CYB561: variants seen among roughly 807,000 people sequenced by gnomAD.
CYB561 encodes cytochrome b561, also known as transmembrane ascorbate-dependent reductase CYB561.
Under a neutral mutation model 25.3 loss-of-function variants are expected in CYB561, and 11 were observed. The observed-to-expected ratio is 0.44, with a 90% CI of 0.27 to 0.72. CYB561 has a LOEUF of 0.72. Ranked by LOEUF, CYB561 falls within the 30% of genes least tolerant of loss-of-function variation. The pLI is 0.18. For synonymous variants in CYB561, 165 were observed against 158.8 expected (o/e 1.04, Z -0.29); for missense variants, 295 against 334.9 (o/e 0.88, Z 0.93).
chr17:63,444,061 G>A (rs1388120954), intron 1 of CYB561, among the ~76,000 whole-genome samples: 4 of 151,372 alleles, frequency 2.6e-5, no homozygotes, highest in Non-Finnish European at 5.9e-5. Flanking sequence ...TCGGGTCACC[G>A]CAACCTCTGC....
chr17:63,435,824 T>C (rs762973870), intron 3 of CYB561, 33 bp from the exon 4 acceptor site: 29 of 1,606,634 alleles, frequency 1.8e-5, no homozygotes, highest in Non-Finnish European at 2.4e-5. Context: ...GAGGACAGGG[T>C]TGGATGTGGA....
upstream of CYB561, among the ~76,000 whole-genome samples, chr17:63,446,627 C>G (rs566010600): frequency 3.2e-4 from 48 of 152,270 alleles, no homozygotes; most frequent in South Asian, 2.1e-3. Flanking sequence ...CTTGCGAGCC[C>G]CGACTGCGCA....
chr17:63,436,232 G>C lies in CYB561; in HGVS notation c.203-80C>G. 6.5e-7 allele frequency: 1 copy of C among 1,526,830 alleles called. No homozygotes were observed. Among genetic ancestry groups the C allele is most frequent in the African/African-American group, 1.4e-5 (1 of 73,300 alleles). The allele number at this position is 1,526,830 out of a possible 1,614,324, so 94.6% of individuals were successfully genotyped here. ...TGCCCCAGCAGCAAGGAGGCACCTT[G>C]GTGGAGAGGTGATGTGAGCTGACGG... is the stretch of plus-strand genomic sequence containing the variant. On this transcript the variant is annotated intron_variant, in intron 2 of 5. Coordinates refer to ENST00000360793, the MANE Select transcript of CYB561 (RefSeq NM_001915.4). This position sits in a 1 kb window ranked among gnomAD's most constrained non-coding sequence, Gnocchi z 4.8.
chr17:63,438,820 A>G (rs1248498636), intron 1 of CYB561, among the ~76,000 whole-genome samples: 1 of 152,184 alleles, frequency 6.6e-6, no homozygotes, highest in Non-Finnish European at 1.5e-5. Context: ...CCGGCCGGAG[A>G]GCACCCAGCA....
At chr17:63,435,508 C>T (rs964140999) in intron 4 of CYB561, 180 bp downstream of exon 4, 6 of 698,142 alleles carry the variant, frequency 8.6e-6, no homozygotes, top group Non-Finnish European at 1.5e-5. Flanking sequence ...CGCCTGGGAG[C>T]TGGGCACCCT....
intron 1 of CYB561, among the ~76,000 whole-genome samples, chr17:63,439,531 T>A (rs2049353450): frequency 6.6e-6 from 1 of 150,760 alleles, no homozygotes; most frequent in Non-Finnish European, 1.5e-5. Flanking sequence ...AGACTCTGTC[T>A]CAAAAAAAAT....
intron 1 of CYB561, 161 bp from the exon 2 acceptor site, chr17:63,437,721 C>A: frequency 3.8e-6 from 2 of 520,960 alleles, no homozygotes; most frequent in South Asian, 4.0e-5. Flanking sequence ...CACGGTCCCC[C>A]CAGATATGCA....
Position 63,437,435 on chromosome 17 carries a change from T to A in CYB561, c.113A>T (p.Tyr38Phe). 2 of 1,613,952 alleles carry A rather than the reference T, an allele frequency of 1.2e-6. No individual in the cohort carries two copies. Residue 38 changes from tyrosine (Y) to phenylalanine (F), a missense_variant, in exon 2 of 6, where the codon TAC becomes TTC. Physicochemically the swap from Tyr to Phe is conservative, Grantham distance 22. Transcript: ENST00000360793. ...GCTCTCCCAGGCAATGCCGCCTCGGTACAGCCCGAGCCACGCGCCGGTCAT... is the reference window on the plus strand; with the variant it reads ...GCTCTCCCAGGCAATGCCGCCTCGGAACAGCCCGAGCCACGCGCCGGTCAT... ...VAMTGAWLGL[Y>F]RGGIAWESDL... is the part of the protein sequence containing the mutation.
At chr17:63,435,297 C>A in intron 4 of CYB561, 54 bp from the exon 5 acceptor site, 1 of 1,584,200 alleles carries the variant, frequency 6.3e-7, no homozygotes, top group Non-Finnish European at 8.6e-7. Flanking sequence ...ACCCCAGCAG[C>A]CGAGGTCGGC....
intron 1 of CYB561, chr17:63,437,941 T>G: frequency 8.2e-6 from 6 of 734,692 alleles, no homozygotes; most frequent in South Asian, 1.8e-5. Context: ...AGACTGCGCC[T>G]GAGATGCGGC....
At chr17:63,438,020 T>A (rs1216139189) in intron 1 of CYB561, 1 of 1,092,154 alleles carries the variant, frequency 9.2e-7, no homozygotes, top group South Asian at 1.5e-5. Context: ...CTCGCTCTCC[T>A]ACCCGCAAGC....
At position 63,435,316 on chromosome 17, in the gene CYB561, C is replaced by CACCCACGT. The variant is rs1260007134; in HGVS notation, c.406-81_406-74dup. 1.2e-5 allele frequency: 19 copies of CACCCACGT among 1,523,472 alleles called. No individual in the cohort carries two copies. In the African/African-American group the frequency reaches 2.5e-4, roughly 20 times the overall value. 94.4% of individuals were successfully genotyped at this position (1,523,472 alleles called of 1,614,324 possible). On this transcript the variant is annotated intron_variant, in intron 4 of 5. Coordinates refer to ENST00000360793, the MANE Select transcript of CYB561 (RefSeq NM_001915.4). ...CAGCAGCCGAGGTCGGCCAGGCCCA[C>CACCCACGT]ACCCACGTGCCCACGTGGCGACTGT...
intron 1 of CYB561, chr17:63,439,196 C>G (rs2049349845): frequency 6.6e-6 from 1 of 152,488 alleles, no homozygotes; most frequent in South Asian, 2.1e-4. Context: ...CCCCAGTTCT[C>G]TCTGCCACAT....
chr17:63,438,165 G>A (rs904911619), intron 1 of CYB561: 2 of 1,535,684 alleles, frequency 1.3e-6, no homozygotes, highest in South Asian at 1.2e-5. Flanking sequence ...GAGGGTGCAA[G>A]GAAAGATACC....
rs886292853 is a variant in CYB561, at chr17:63,437,741, C to G, written c.-13-181G>C. ...TCCCCCCAGATATGCACAGCCCCCC[C>G]CGAAATGCGCACAGCCGCCCCTGCT... On this transcript the variant is annotated intron_variant, in intron 1 of 5. Transcript: ENST00000360793. 1.2e-4 allele frequency: 56 copies of G among 455,986 alleles called. 1 individual carries two copies. The highest frequency in any genetic ancestry group is 9.8e-4 in the African/African-American group (38 of 38,810). 28.2% of individuals were successfully genotyped at this position (455,986 alleles called of 1,614,324 possible).
chr17:63,436,694 G>A lies in CYB561; in HGVS notation c.203-542C>T, dbSNP rs2015356. 0.23 allele frequency: 36,641 copies of A among 160,042 alleles called. 4,304 individuals carry two copies. Among genetic ancestry groups the A allele is most frequent in the South Asian group, 0.3 (1,736 of 5,754 alleles). 9.9% of individuals were successfully genotyped at this position (160,042 alleles called of 1,614,324 possible). ...ATGGTCCTACTCCTAGCAAGCAGGC[G>A]CCTGGCTCCCAAGCAGAACCTTGTG... On this transcript the variant is annotated intron_variant, in intron 2 of 5. Transcript: ENST00000360793. The surrounding 1 kb of genome is among the most constrained non-coding windows in gnomAD (Gnocchi z 4.8).
rs771391445 is a variant in CYB561 at position 63,434,457 on chromosome 17, G to T, written c.701C>A (p.Ala234Asp). ...CAGCGTCTTGAAGTCCATGGAGAGG[G>T]CCTGCTCTTCCGCCTGGGAAGGCCG... ...WKRPSQAEEQ[A>D]LSMDFKTLTE... The change falls in exon 6 of 6, where the codon GCC (alanine) becomes GAC (aspartate). Residue 234 changes from alanine to aspartate, a missense_variant. Coordinates refer to ENST00000360793, the MANE Select transcript of CYB561 (RefSeq NM_001915.4). The T allele has an allele frequency of 6.2e-7, 1 of 1,603,024 alleles. No individual in the cohort carries two copies. The highest frequency in any genetic ancestry group is 1.1e-5 in the South Asian group (1 of 89,144).
intron 1 of CYB561, chr17:63,440,918 G>C (rs1283519449): frequency 6.6e-6 from 1 of 152,232 alleles, no homozygotes; most frequent in Non-Finnish European, 1.5e-5. Flanking sequence ...AGAGAGCCTG[G>C]CTGCAGGCAG....
Position 63,436,297 on chromosome 17 carries a change from G to A in CYB561, c.203-145C>T. The stretch of plus-strand genomic sequence containing the variant: ...CTAGCTGCAGGAACCGGAGGAGAAA[G>A]CCAGGTTCCCTGGGGACCCTGGGCA... On this transcript the variant is annotated intron_variant, in intron 2 of 5. Coordinates refer to ENST00000360793, the MANE Select transcript of CYB561 (RefSeq NM_001915.4). This position sits in a 1 kb window ranked among gnomAD's most constrained non-coding sequence, Gnocchi z 4.8. 2 of 1,107,966 alleles carry A rather than the reference G, an allele frequency of 1.8e-6. No individual in the cohort carries two copies. Among genetic ancestry groups the A allele is most frequent in the South Asian group, 1.6e-5 (1 of 62,926 alleles). The allele number at this position is 1,107,966 out of a possible 1,614,324, so 68.6% of individuals were successfully genotyped here.
Sources: allele counts gnomAD v4.1 joint callset (sites outside exome capture counted in the v4.1 genomes callset), GRCh38; gene constraint gnomAD v4.1.1; non-coding constraint Gnocchi (gnomAD v3.1); transcripts MANE v1.5; gene names NCBI Gene and HGNC (gene_info 2026-07-23, HGNC 2026-07-21).